Variants in NEK5 observed in about 807,000 individuals in gnomAD.
NEK5 encodes NIMA related kinase 5, also known as serine/threonine-protein kinase Nek5.
Under a neutral mutation model 109.2 loss-of-function variants are expected in NEK5, and 88 were observed. The observed-to-expected ratio is 0.81, with a 90% CI of 0.68 to 0.96. The LOEUF (loss-of-function observed/expected upper bound fraction) is 0.96. Ranked by LOEUF, NEK5 falls within the 40% of genes least tolerant of loss-of-function variation. The pLI is 0.00. For missense variants in NEK5, 834 were observed against 920.7 expected, an observed-to-expected ratio of 0.91 and a Z score of 1.22; for synonymous variants, 283 against 299.9, an observed-to-expected ratio of 0.94 and a Z score of 0.58.
Position 52,076,070 on chromosome 13 carries a change from T to G in NEK5, c.1646A>C (p.Lys549Thr). ...KESKNPEQKY[K>T]AKKGVKFEIN... ...GACAAAAGTATTTCTTACCTTAGCT[T>G]TATATTTCTGTTCTGGATTTTTACT... is the stretch of plus-strand genomic sequence containing the variant. Residue 549 changes from lysine (K) to threonine (T), a missense_variant, in exon 18 of 24, where the codon AAA becomes ACA. By Grantham distance (78) the Lys-to-Thr change is moderately conservative. Around this residue, in one of 2 missense-constraint regions of NEK5, gnomAD observed 777 missense variants for 824.7 expected, o/e 0.94. Coordinates refer to ENST00000684899, the MANE Select transcript of NEK5 (RefSeq NM_001365552.1). 4.4e-6 allele frequency: 7 copies of G among 1,586,032 alleles called. No homozygotes were observed. The highest frequency in any genetic ancestry group is 6.0e-6 in the Non-Finnish European group (7 of 1,158,670).
intron 22 of NEK5, among the ~76,000 whole-genome samples, chr13:52,053,247 G>A (rs1452920532): frequency 6.6e-6 from 1 of 152,150 alleles, no homozygotes; most frequent in African/African-American, 2.4e-5. Flanking sequence ...GGTGCAGTGA[G>A]CCGAAACTCC....
chr13:52,051,008 G>A (rs1331140708), intron 22 of NEK5, among the ~76,000 whole-genome samples: 1 of 150,502 alleles, frequency 6.6e-6, no homozygotes, highest in African/African-American at 2.4e-5. Context: ...GTGAGCCACC[G>A]TGCCCGGCCC....
chr13:52,127,482 TG>T lies in NEK5; in HGVS notation c.-1del. On this transcript the variant is annotated 5_prime_UTR_variant, in exon 3 of 24. Coordinates refer to ENST00000684899, the MANE Select transcript of NEK5 (RefSeq NM_001365552.1). ...GCCTTAATCACATCGTACTTATCCATGGTCTCCAATGGGCTGAGTTTCCTGG... is the reference window on the plus strand; with the variant it reads ...GCCTTAATCACATCGTACTTATCCATGTCTCCAATGGGCTGAGTTTCCTGG... 2 of 1,515,140 alleles carry T rather than the reference TG, an allele frequency of 1.3e-6. No individual in the cohort carries two copies. The highest frequency in any genetic ancestry group is 1.8e-6 in the Non-Finnish European group (2 of 1,090,226). The allele number at this position is 1,515,140 out of a possible 1,614,324, so 93.9% of individuals were successfully genotyped here.
At chr13:52,116,108 A>C (rs1955852552) in intron 4 of NEK5, among the ~76,000 whole-genome samples, 1 of 150,124 alleles carries the variant, frequency 6.7e-6, no homozygotes, top group Non-Finnish European at 1.5e-5. Flanking sequence ...TTAAGCCCAG[A>C]AGGTCAAGGC....
At chr13:52,044,359 T>C (rs559896673) in intron 23 of NEK5, among the ~76,000 whole-genome samples, 2 of 152,308 alleles carry the variant, frequency 1.3e-5, no homozygotes, top group South Asian at 2.1e-4. Flanking sequence ...TCCTAGGTGT[T>C]TGCCCACAAG....
At chr13:52,075,878 A>C (rs1431445383) in intron 18 of NEK5, 52 bp from the exon 19 acceptor site, 2 of 1,250,062 alleles carry the variant, frequency 1.6e-6, no homozygotes, top group South Asian at 1.4e-5. Context: ...TAAAAGCCTT[A>C]AAATTACAAC....
At chr13:52,056,160 A>C (rs1399264250) in intron 22 of NEK5, among the ~76,000 whole-genome samples, 2 of 152,142 alleles carry the variant, frequency 1.3e-5, no homozygotes, top group East Asian at 1.9e-4. Flanking sequence ...GTCTCTGATA[A>C]AACAGACTTT....
chr13:52,082,906 T>C (rs926814242), intron 17 of NEK5, among the ~76,000 whole-genome samples: 2 of 152,188 alleles, frequency 1.3e-5, no homozygotes, highest in African/African-American at 4.8e-5. Flanking sequence ...CCCAGCATTT[T>C]AGGAGGCCGA....
At chr13:52,104,268 A>G (rs1955605273) in intron 9 of NEK5, among the ~76,000 whole-genome samples, 1 of 152,156 alleles carries the variant, frequency 6.6e-6, no homozygotes, top group Admixed American at 6.6e-5. Flanking sequence ...AAGCCCACAC[A>G]ATTTATTTTT....
intron 14 of NEK5, among the ~76,000 whole-genome samples, chr13:52,087,665 AC>A (rs1955179383): frequency 6.6e-6 from 1 of 152,114 alleles, no homozygotes; most frequent in African/African-American, 2.4e-5. Flanking sequence ...TCACTCTGTC[AC>A]CCAGGCTGGA....
intron 6 of NEK5, 32 bp from the exon 7 acceptor site, chr13:52,110,442 G>A (rs1955735639): frequency 6.2e-7 from 1 of 1,602,344 alleles, no homozygotes; most frequent in Admixed American, 1.7e-5. Flanking sequence ...TGTTGTTTGA[G>A]GTACTTCAAG....
chr13:52,101,981 A>T lies in NEK5; in HGVS notation c.844T>A (p.Cys282Ser). The stretch of plus-strand genomic sequence containing the variant: ...CGAGAAGCTGGCGCTCCTGCTCTGC[A>T]TATAAGCATGTGACTGAATTCTTCC... ...IQEEFSHMLI[C>S]RAGAPASRHA... The change falls in exon 11 of 24, where the codon TGC (cysteine) becomes AGC (serine). Residue 282 changes from cysteine (C) to serine (S), a missense_variant. By Grantham distance (112) the Cys-to-Ser change is moderately radical. Coordinates refer to ENST00000684899, the MANE Select transcript of NEK5 (RefSeq NM_001365552.1). 1 of 1,614,216 alleles carries T rather than the reference A, an allele frequency of 6.2e-7. No individual in the cohort carries two copies. The highest frequency in any genetic ancestry group is 8.5e-7 in the Non-Finnish European group (1 of 1,180,042).
chr13:52,126,639 C>T (rs61957232), intron 3 of NEK5, among the ~76,000 whole-genome samples: 5,483 of 152,218 alleles, frequency 0.036, 135 homozygotes, highest in South Asian at 0.09. Context: ...ATTATCCAGG[C>T]ATGGTGGCAT....
intron 19 of NEK5, 108 bp from the exon 20 acceptor site, chr13:52,072,178 T>C (rs1566751596): frequency 6.7e-6 from 5 of 750,574 alleles, no homozygotes; most frequent in East Asian, 2.7e-5. Flanking sequence ...ATATAGTAAA[T>C]ATTCAACAAA....
Position 52,101,951 on chromosome 13 carries a change from C to T in NEK5, c.874G>A (p.Ala292Thr). The change falls in exon 11 of 24, where the codon GCT (alanine) becomes ACT (threonine). Residue 292 changes from alanine (A) to threonine (T), a missense_variant. Ala to Thr is a moderately conservative substitution (Grantham distance 58). This residue lies in a region of NEK5 where 777 missense variants were observed against 824.7 expected (regional missense o/e 0.94). Coordinates refer to ENST00000684899, the MANE Select transcript of NEK5 (RefSeq NM_001365552.1). ...CRAGAPASRHAGKVVQKCKIQ... is the reference protein window; with the variant it reads ...CRAGAPASRHTGKVVQKCKIQ... ...CACTTACTCTGGACCACCTTCCCAG[C>T]ATGTCGAGAAGCTGGCGCTCCTGCT... The T allele has an allele frequency of 1.2e-6, 2 of 1,614,116 alleles. No individual in the cohort carries two copies. Among genetic ancestry groups the T allele is most frequent in the Non-Finnish European group, 1.7e-6 (2 of 1,179,956 alleles).
chr13:52,065,275 T>C, intron 21 of NEK5: 1 of 683,348 alleles, frequency 1.5e-6, no homozygotes, highest in Non-Finnish European at 2.6e-6. Flanking sequence ...CCTTTATATG[T>C]GCATGTCTAG....
At chr13:52,050,634 T>G (rs1357323189) in intron 22 of NEK5, among the ~76,000 whole-genome samples, 1 of 151,836 alleles carries the variant, frequency 6.6e-6, no homozygotes, top group African/African-American at 2.4e-5. Context: ...TTTGCAGTTT[T>G]TTTTTTTACT....
At chr13:52,071,160 C>T (rs1282073864) in intron 20 of NEK5, among the ~76,000 whole-genome samples, 2 of 152,064 alleles carry the variant, frequency 1.3e-5, no homozygotes, top group Non-Finnish European at 2.9e-5. Context: ...AAGGGTGCAC[C>T]CTGGTGACAG....
At chr13:52,092,766 G>A (rs548557599) in intron 13 of NEK5, among the ~76,000 whole-genome samples, 106 of 152,186 alleles carry the variant, frequency 7.0e-4, no homozygotes, top group Non-Finnish European at 9.4e-4. Flanking sequence ...CACGCCTGTA[G>A]TCCCAGCTAC....
Sources: gnomAD v4.1 joint callset for allele counts (sites outside exome capture counted in the v4.1 genomes callset) on GRCh38, gnomAD v4.1.1 for gene constraint, gnomAD v4.1.1 regional missense constraint, MANE v1.5 for transcripts, NCBI Gene and HGNC (gene_info 2026-07-23, HGNC 2026-07-21) for gene names.